The following RPN1 variants were observed in gnomAD, a reference collection of about 807,000 sequenced individuals.
RPN1 encodes the protein ribophorin I.
In RPN1, 12 loss-of-function variants were observed where a neutral mutation model predicts 55.5. That is an observed-to-expected ratio of 0.22 (90% CI 0.14 to 0.35). The LOEUF (loss-of-function observed/expected upper bound fraction) is 0.35, where lower values mean the gene tolerates loss of function less well. Among genes scored for constraint, RPN1 ranks in the 10% least tolerant of loss-of-function variants. The probability of loss-of-function intolerance (pLI) is 1.00; values close to 1 mark genes in which losing one functional copy is unlikely to be tolerated. For synonymous variants in RPN1, 317 were observed against 305.9 expected (o/e 1.04, Z -0.38); for missense variants, 679 against 761.3 (o/e 0.89, Z 1.27).
chr3:128,633,915 G>A (rs771801353), intron 3 of RPN1, among the ~76,000 whole-genome samples: 4 of 152,026 alleles, frequency 2.6e-5, no homozygotes, highest in Non-Finnish European at 4.4e-5. Flanking sequence ...CCCGGGAGGC[G>A]GAGGCTGCAG....
chr3:128,632,085 C>G lies in RPN1; in HGVS notation c.706G>C (p.Val236Leu), dbSNP rs897466841. The G allele has an allele frequency of 4.3e-6, 7 of 1,614,048 alleles. No homozygotes were observed. Residue 236 changes from valine (V) to leucine (L), a missense_variant, in exon 4 of 10, where the codon GTC becomes CTC. By Grantham distance (32) the Val-to-Leu change is conservative. Coordinates refer to ENST00000296255, the MANE Select transcript of RPN1 (RefSeq NM_002950.4). The part of the protein sequence containing the change: ...TITSMTRVIE[V>L]SHWGNIAVEE... Reference sequence around the variant, plus strand: ...ACAGCAATATTACCCCAGTGAGAGACTTCAATGACTCGGGTCATGCTGGTG... The same window carrying G: ...ACAGCAATATTACCCCAGTGAGAGAGTTCAATGACTCGGGTCATGCTGGTG...
intron 9 of RPN1, 100 bp downstream of exon 9, chr3:128,622,064 C>G: frequency 8.7e-7 from 1 of 1,155,632 alleles, no homozygotes; most frequent in South Asian, 1.4e-5. Flanking sequence ...ATCCCACAAG[C>G]ATGCAGGTAA....
chr3:128,646,106 T>G lies in RPN1; in HGVS notation c.262-1123A>C, dbSNP rs1004805633. Among the ~76,000 whole-genome samples, 12 of 147,364 alleles carry G rather than the reference T, an allele frequency of 8.1e-5. No homozygotes were observed. In the East Asian group the frequency reaches 2.5e-3, roughly 31 times the overall value. ...AAAAAAACAAAAAATTAGCCGGGTGTGGTGGCGTGTGGAGGCTGAGGCAGG... is the reference window on the plus strand; with the variant it reads ...AAAAAAACAAAAAATTAGCCGGGTGGGGTGGCGTGTGGAGGCTGAGGCAGG... On this transcript the variant is annotated intron_variant, in intron 1 of 9. Coordinates refer to ENST00000296255, the MANE Select transcript of RPN1 (RefSeq NM_002950.4).
chr3:128,648,815 A>G (rs1456157359), intron 1 of RPN1, among the ~76,000 whole-genome samples: 2 of 152,240 alleles, frequency 1.3e-5, no homozygotes, highest in Non-Finnish European at 2.9e-5. Context: ...TCTCACAGCC[A>G]TAAAAGCCAG....
intron 2 of RPN1, chr3:128,644,589 G>A: frequency 2.0e-6 from 1 of 503,898 alleles, no homozygotes; most frequent in Non-Finnish European, 3.8e-6. Context: ...GAGCCCTGGA[G>A]GTGGAGGTTG....
intron 2 of RPN1, among the ~76,000 whole-genome samples, chr3:128,643,489 C>G (rs2069743448): frequency 6.6e-6 from 1 of 151,940 alleles, no homozygotes; most frequent in Non-Finnish European, 1.5e-5. Context: ...CATGGGGAAA[C>G]CCGTCTCTAC....
At chr3:128,636,710 T>G (rs73195095) in intron 3 of RPN1, among the ~76,000 whole-genome samples, 16 of 152,052 alleles carry the variant, frequency 1.1e-4, no homozygotes, top group Non-Finnish European at 1.9e-4. Context: ...TGTGTCACCA[T>G]GCCCAGCTTA....
At chr3:128,633,466 G>A (rs1250097309) in intron 3 of RPN1, among the ~76,000 whole-genome samples, 2 of 151,882 alleles carry the variant, frequency 1.3e-5, no homozygotes, top group Non-Finnish European at 2.9e-5. Flanking sequence ...TACCCACCTT[G>A]ACCTCCCAAA....
chr3:128,627,976 G>GAAAAAAGATAGAAATCA (rs2069612309), intron 5 of RPN1, among the ~76,000 whole-genome samples: 1 of 152,080 alleles, frequency 6.6e-6, no homozygotes, highest in Admixed American at 6.6e-5. Flanking sequence ...GAAAAATTCA[G>GAAAAAAGATAGAAATCA]GCCGGGCGCG....
At chr3:128,636,248 C>T (rs1401708959) in intron 3 of RPN1, among the ~76,000 whole-genome samples, 2 of 151,962 alleles carry the variant, frequency 1.3e-5, no homozygotes, top group Non-Finnish European at 2.9e-5. Flanking sequence ...ATCACCTGAG[C>T]TCAGGAGTTC....
At chr3:128,644,852 A>G (rs2069754903) in intron 2 of RPN1, 67 bp downstream of exon 2, 1 of 881,538 alleles carries the variant, frequency 1.1e-6, no homozygotes, top group Non-Finnish European at 1.9e-6. Context: ...CTAGTTTATG[A>G]TCCCATATGA....
chr3:128,620,875 G>C (rs1401092693), intron 9 of RPN1, among the ~76,000 whole-genome samples: 1 of 152,232 alleles, frequency 6.6e-6, no homozygotes, highest in Non-Finnish European at 1.5e-5. Context: ...TGAGGACTGA[G>C]TATGAAACTA....
At chr3:128,647,860 T>G (rs770867118) in intron 1 of RPN1, among the ~76,000 whole-genome samples, 14 of 152,136 alleles carry the variant, frequency 9.2e-5, no homozygotes, top group Non-Finnish European at 7.3e-5. Flanking sequence ...GGAAAAATCA[T>G]TAGATGGGTC....
chr3:128,629,863 A>ACCCC (rs1285991986), intron 5 of RPN1, 88 bp downstream of exon 5: 3 of 716,708 alleles, frequency 4.2e-6, no homozygotes, highest in Non-Finnish European at 4.7e-6. Flanking sequence ...AAATGAACAC[A>ACCCC]CCCCATCTAT....
rs564752374 is a variant in RPN1 at position 128,620,225 on chromosome 3, A to G, written c.*186T>C. 41 of 406,280 alleles carry G rather than the reference A, an allele frequency of 1.0e-4. No individual in the cohort carries two copies. Among genetic ancestry groups the G allele is most frequent in the Middle Eastern group, 6.3e-4 (1 of 1,600 alleles). The allele number at this position is 406,280 out of a possible 1,614,324, so 25.2% of individuals were successfully genotyped here. A position where few individuals can be genotyped will look rare whatever the true frequency, so the allele number is the denominator to read the frequency against. ...AGTTTTCTTTTTTTAAAAAAAAAAA[A>G]AAAGAAAGTTAAGGACAAACGGCAA... On this transcript the variant is annotated 3_prime_UTR_variant, in exon 10 of 10. Coordinates refer to ENST00000296255, the MANE Select transcript of RPN1 (RefSeq NM_002950.4).
chr3:128,649,337 A>G (rs147168793), intron 1 of RPN1, among the ~76,000 whole-genome samples: 213 of 152,362 alleles, frequency 1.4e-3, no homozygotes, highest in African/African-American at 5.0e-3. Context: ...TAACAAGCTC[A>G]TTAAATCACA....
chr3:128,627,511 C>T (rs1012549746), intron 5 of RPN1, among the ~76,000 whole-genome samples: 9 of 152,184 alleles, frequency 5.9e-5, no homozygotes, highest in African/African-American at 1.9e-4. Flanking sequence ...TGGCTCATGC[C>T]TGTAATCCCA....
intron 2 of RPN1, among the ~76,000 whole-genome samples, chr3:128,640,863 T>A (rs1331652733): frequency 1.3e-5 from 2 of 152,136 alleles, no homozygotes; most frequent in Non-Finnish European, 2.9e-5. Context: ...CCCCAGCCCA[T>A]CTACACAATC....
intron 3 of RPN1, among the ~76,000 whole-genome samples, chr3:128,635,680 TCTATAG>T (rs1339823337): frequency 0.017 from 1,696 of 97,878 alleles, 37 homozygotes; most frequent in African/African-American, 0.064. Flanking sequence ...TCTATAGATA[TCTATAG>T]ATATACACAC....
Sources: allele counts gnomAD v4.1 joint callset (sites outside exome capture counted in the v4.1 genomes callset), GRCh38; gene constraint gnomAD v4.1.1; transcripts MANE v1.5; gene names NCBI Gene and HGNC (gene_info 2026-07-23, HGNC 2026-07-21).